The following VTI1A variants were observed in gnomAD, a reference collection of about 807,000 sequenced individuals.
VTI1A encodes vesicle transport through interaction with t-SNAREs homolog 1A.
In VTI1A, 22 loss-of-function variants were observed where a neutral mutation model predicts 34.9. The ratio of observed to expected loss-of-function variants is 0.63; its 90% CI spans 0.45 to 0.90. The LOEUF (loss-of-function observed/expected upper bound fraction) is 0.90, where lower values mean the gene tolerates loss of function less well. Ranked by LOEUF, VTI1A falls within the 40% of genes least tolerant of loss-of-function variation. The pLI, the probability that VTI1A is intolerant of heterozygous loss-of-function variation, is 0.00. For synonymous variants in VTI1A, 87 were observed against 97.3 expected (o/e 0.89, Z 0.62); for missense variants, 268 against 275.6 (o/e 0.97, Z 0.20).
At chr10:112,506,380 T>A (rs1237094975) in intron 3 of VTI1A, among the ~76,000 whole-genome samples, 1 of 152,226 alleles carries the variant, frequency 6.6e-6, no homozygotes, top group Non-Finnish European at 1.5e-5. Flanking sequence ...TGGTGTTATC[T>A]GAGATTTCAG....
intron 7 of VTI1A, among the ~76,000 whole-genome samples, chr10:112,773,278 GT>G (rs1289660333): frequency 6.6e-6 from 1 of 152,182 alleles, no homozygotes; most frequent in African/African-American, 2.4e-5. Context: ...ATCAAAGGAA[GT>G]TTTTCCAAGG....
chr10:112,623,523 G>T (rs1402444961), intron 5 of VTI1A, among the ~76,000 whole-genome samples: 1 of 150,530 alleles, frequency 6.6e-6, no homozygotes, highest in African/African-American at 2.5e-5. Flanking sequence ...CAGCCTGCTG[G>T]CTGAGAACTC....
At chr10:112,830,849 A>ATATATATATTTTTT in the VTI1A span, among the ~76,000 whole-genome samples, 21 of 33,494 alleles carry the variant, frequency 6.3e-4, 1 homozygote, top group East Asian at 0.01. Context: ...ATATATATAT[A>ATATATATATTTTTT]TTTTTTTTTT....
At chr10:112,653,845 A>G (rs112849635) in intron 5 of VTI1A, among the ~76,000 whole-genome samples, 8 of 152,238 alleles carry the variant, frequency 5.3e-5, no homozygotes, top group East Asian at 1.9e-4. Flanking sequence ...TTCCCCCCCA[A>G]AATAAGTCCC....
chr10:112,678,551 T>C (rs1429231319), intron 7 of VTI1A, among the ~76,000 whole-genome samples: 2 of 152,216 alleles, frequency 1.3e-5, no homozygotes, highest in African/African-American at 4.8e-5. Context: ...ATCTGAACTT[T>C]ATAAATCGAG....
chr10:112,685,552 C>T (rs917692223), intron 7 of VTI1A, among the ~76,000 whole-genome samples: 1 of 152,140 alleles, frequency 6.6e-6, no homozygotes, highest in African/African-American at 2.4e-5. Context: ...GCTTTACCTT[C>T]TTACTGTTTT....
At chr10:112,463,387 C>T (rs1847793821) in intron 2 of VTI1A, among the ~76,000 whole-genome samples, 2 of 152,156 alleles carry the variant, frequency 1.3e-5, no homozygotes, top group African/African-American at 4.8e-5. Flanking sequence ...ATAAGAATTG[C>T]CTCATTTAGT....
intron 5 of VTI1A, among the ~76,000 whole-genome samples, chr10:112,626,850 T>C (rs1018785679): frequency 5.3e-5 from 8 of 152,248 alleles, no homozygotes; most frequent in Non-Finnish European, 7.3e-5. Flanking sequence ...ATATTATTTT[T>C]AAATTCACAC....
chr10:112,633,286 T>A (rs1368965740), intron 5 of VTI1A, among the ~76,000 whole-genome samples: 1 of 152,158 alleles, frequency 6.6e-6, no homozygotes, highest in Non-Finnish European at 1.5e-5. Context: ...GAAGATTAGC[T>A]CACATCCTTT....
At chr10:112,794,746 C>G (rs1852614891) in intron 7 of VTI1A, among the ~76,000 whole-genome samples, 2 of 152,026 alleles carry the variant, frequency 1.3e-5, no homozygotes, top group South Asian at 4.1e-4. Context: ...AATATATTAT[C>G]AGCAAGAAAA....
At position 112,546,101 on chromosome 10, in the gene VTI1A, TACGTGTATAC is replaced by T. The variant is rs547958226; in HGVS notation, c.427+7778_427+7787del. Among the ~76,000 whole-genome samples, 9 of 151,034 alleles carry T rather than the reference TACGTGTATAC, an allele frequency of 6.0e-5. No individual in the cohort carries two copies. The South Asian group carries it at 1.9e-3, about 32-fold the overall frequency. On this transcript the variant is annotated intron_variant, in intron 5 of 7. Transcript: ENST00000393077. ...ACGTGTATACGCGTATGTGTGTATA[TACGTGTATAC>T]ACGTGTGTGTGTATTTTGCATATAT...
In VTI1A at chr10:112,650,761, C is replaced by T. The variant is rs116840464; in HGVS notation, c.428-17457C>T. Among the ~76,000 whole-genome samples the T allele has an allele frequency of 4.9e-3, 740 of 152,278 alleles. 5 individuals carry two copies. Among genetic ancestry groups the T allele is most frequent in the African/African-American group, 0.017 (711 of 41,552 alleles). On this transcript the variant is annotated intron_variant, in intron 5 of 7. Transcript: ENST00000393077. ...GGCCACTGTCCTATACGTAGTCCCT[C>T]GTTGACCAAAACATTGTTATGCAAT...
At chr10:112,734,157 A>C (rs1394737766) in intron 7 of VTI1A, among the ~76,000 whole-genome samples, 1 of 151,666 alleles carries the variant, frequency 6.6e-6, no homozygotes, top group African/African-American at 2.4e-5. Flanking sequence ...CCTTCTCAGT[A>C]CTCTCCAGTG....
intron 5 of VTI1A, among the ~76,000 whole-genome samples, chr10:112,637,545 G>T (rs1463932698): frequency 6.6e-6 from 1 of 152,154 alleles, no homozygotes; most frequent in East Asian, 1.9e-4. Context: ...TGTAGTCCCA[G>T]CTACTTAGGA....
At chr10:112,712,897 A>G (rs1384081338) in intron 7 of VTI1A, among the ~76,000 whole-genome samples, 2 of 152,152 alleles carry the variant, frequency 1.3e-5, no homozygotes, top group African/African-American at 4.8e-5. Flanking sequence ...GGGGTGGCAG[A>G]TGTTGAACAT....
chr10:112,690,746 A>G (rs1364122271), intron 7 of VTI1A, among the ~76,000 whole-genome samples: 2 of 152,348 alleles, frequency 1.3e-5, no homozygotes, highest in East Asian at 1.9e-4. Context: ...AATATAGAGC[A>G]TGTGAAGCAT....
chr10:112,612,471 T>G (rs1037116324), intron 5 of VTI1A, among the ~76,000 whole-genome samples: 2 of 152,184 alleles, frequency 1.3e-5, no homozygotes, highest in African/African-American at 2.4e-5. Flanking sequence ...CCGGCTGGAG[T>G]GCAATAGCAC....
intron 7 of VTI1A, among the ~76,000 whole-genome samples, chr10:112,814,242 G>C (rs1413718527): frequency 2.0e-5 from 3 of 152,176 alleles, no homozygotes; most frequent in African/African-American, 4.8e-5. Flanking sequence ...TCCAGTGTTT[G>C]GTGACTGGAG....
intron 3 of VTI1A, among the ~76,000 whole-genome samples, chr10:112,492,361 A>G (rs982968073): frequency 2.0e-5 from 3 of 152,202 alleles, no homozygotes; most frequent in African/African-American, 4.8e-5. Flanking sequence ...TATTAGCCCT[A>G]AGGGTCTTTT....
Sources: allele counts gnomAD v4.1 joint callset (sites outside exome capture counted in the v4.1 genomes callset), GRCh38; gene constraint gnomAD v4.1.1; transcripts MANE v1.5; gene names NCBI Gene and HGNC (gene_info 2026-07-23, HGNC 2026-07-21).